SLC44A5: variants seen among roughly 807,000 people sequenced by gnomAD.
The protein encoded by SLC44A5 is solute carrier family 44 member 5.
A neutral mutation model predicts 101.8 loss-of-function variants in SLC44A5; 57 were observed. The observed-to-expected ratio is 0.56, with a 90% CI of 0.45 to 0.70. The LOEUF is 0.70. Ranked by LOEUF, SLC44A5 falls within the 30% of genes least tolerant of loss-of-function variation. The probability of loss-of-function intolerance (pLI) is 0.00; values close to 1 mark genes in which losing one functional copy is unlikely to be tolerated. For missense variants in SLC44A5, 737 were observed against 853.1 expected (o/e 0.86, Z 1.70); for synonymous variants, 281 against 290.9 (o/e 0.97, Z 0.35).
At chr1:75,211,331 T>C (rs1459073804) in intron 23 of SLC44A5, 137 bp downstream of exon 23, 3 of 598,708 alleles carry the variant, frequency 5.0e-6, no homozygotes, top group Non-Finnish European at 8.9e-6. Flanking sequence ...CTAAGCAATA[T>C]CTCTTTCCAG....
chr1:75,714,337 T>C, the SLC44A5 span, among the ~76,000 whole-genome samples: 1 of 152,188 alleles, frequency 6.6e-6, no homozygotes, highest in African/African-American at 2.4e-5. Context: ...CATTCCGTCA[T>C]GTTAAAAACC....
chr1:75,554,469 CAAAA>C lies in SLC44A5; in HGVS notation c.-69-12957_-69-12954del, dbSNP rs35263222. 4.9e-5 allele frequency among the ~76,000 whole-genome samples: 6 copies of C among 123,410 alleles called. No individual in the cohort carries two copies. In the South Asian group the frequency reaches 1.7e-3, roughly 34 times the overall value. 81.0% of individuals were successfully genotyped at this position (123,410 alleles called of 152,430 possible). ...CCTGAGCAACAGAGTGTGACTCTGT[CAAAA>C]AAAAAAAAAAAAAATGTAATTGAAG... On this transcript the variant is annotated intron_variant, in intron 1 of 23. Coordinates refer to ENST00000370859, the MANE Select transcript of SLC44A5 (RefSeq NM_001130058.2).
chr1:75,260,015 GCTC>G (rs1426123994), intron 6 of SLC44A5, among the ~76,000 whole-genome samples: 1 of 152,066 alleles, frequency 6.6e-6, no homozygotes, highest in Non-Finnish European at 1.5e-5. Context: ...CCCTAAAAGA[GCTC>G]CTGAAGGAAG....
chr1:75,373,230 C>T (rs1269379901), intron 3 of SLC44A5, among the ~76,000 whole-genome samples: 4 of 151,900 alleles, frequency 2.6e-5, no homozygotes, highest in African/African-American at 9.7e-5. Context: ...AGAGAAAACA[C>T]CAAAAATCGA....
At chr1:75,410,217 A>T (rs540116594) in intron 2 of SLC44A5, among the ~76,000 whole-genome samples, 1 of 152,206 alleles carries the variant, frequency 6.6e-6, no homozygotes, top group Admixed American at 6.6e-5. Flanking sequence ...ATAACGCACA[A>T]ATTTCTTGCA....
chr1:75,668,732 C>T, the SLC44A5 span, among the ~76,000 whole-genome samples: 5,619 of 151,574 alleles, frequency 0.037, 489 homozygotes, highest in African/African-American at 0.12. Flanking sequence ...CAGTGGCTCA[C>T]GCCTGCAATC....
intron 9 of SLC44A5, among the ~76,000 whole-genome samples, chr1:75,240,631 G>T (rs1029907012): frequency 6.6e-6 from 1 of 152,012 alleles, no homozygotes; most frequent in Admixed American, 6.6e-5. Flanking sequence ...TGTTGCTGTG[G>T]GACCTACATC....
chr1:75,357,144 A>C (rs1419473532), intron 3 of SLC44A5: 1 of 454,256 alleles, frequency 2.2e-6, no homozygotes, highest in Non-Finnish European at 4.4e-6. Flanking sequence ...ATCTTCAGTT[A>C]TCTTACTTGC....
chr1:75,368,009 T>C (rs1024214525), intron 3 of SLC44A5, among the ~76,000 whole-genome samples: 12 of 152,224 alleles, frequency 7.9e-5, no homozygotes. Flanking sequence ...TGATTGTTTT[T>C]GGAAAAGAGC....
the SLC44A5 span, among the ~76,000 whole-genome samples, chr1:75,659,485 G>GAAGGAAGGAAGGAAGGAAGGAAGA: frequency 7.3e-4 from 51 of 69,696 alleles, no homozygotes; most frequent in East Asian, 6.7e-3. Flanking sequence ...AGGAAGGAAG[G>GAAGGAAGGAAGGAAGGAAGGAAGA]AAGGAAGGCA....
intron 2 of SLC44A5, among the ~76,000 whole-genome samples, chr1:75,540,333 G>C (rs969228689): frequency 3.9e-5 from 6 of 152,158 alleles, no homozygotes; most frequent in African/African-American, 1.4e-4. Context: ...AATGCTGTAT[G>C]TATGCATAAG....
At chr1:75,632,625 A>G in the SLC44A5 span, among the ~76,000 whole-genome samples, 1 of 152,128 alleles carries the variant, frequency 6.6e-6, no homozygotes, top group Non-Finnish European at 1.5e-5. Flanking sequence ...TGCTCCTGAA[A>G]TTGTTTTTCA....
At chr1:75,353,104 T>C (rs180969307) in intron 3 of SLC44A5, among the ~76,000 whole-genome samples, 46 of 152,308 alleles carry the variant, frequency 3.0e-4, no homozygotes, top group African/African-American at 1.0e-3. Flanking sequence ...TATGGCCATA[T>C]GTATGTTCTC....
intron 10 of SLC44A5, among the ~76,000 whole-genome samples, chr1:75,237,808 G>T (rs1249471470): frequency 1.3e-5 from 2 of 151,974 alleles, no homozygotes; most frequent in African/African-American, 4.8e-5. Flanking sequence ...TTCTAAATCT[G>T]CAGGAACTAC....
chr1:75,390,281 G>A (rs1264176388), intron 3 of SLC44A5, among the ~76,000 whole-genome samples: 1 of 151,792 alleles, frequency 6.6e-6, no homozygotes, highest in African/African-American at 2.4e-5. Flanking sequence ...AAATCAAGGA[G>A]AGGAGACTCC....
Position 75,573,127 on chromosome 1 carries a change from C to CAAAAAAAAAAA in SLC44A5, c.-69-31622_-69-31612dup, listed in dbSNP as rs745593621. ...TGAGCGACAGAGCAAGGCTCCATCT[C>CAAAAAAAAAAA]AAAAAAAAAAAAAAAAAAAAAAAAA... On this transcript the variant is annotated intron_variant, in intron 1 of 23. Transcript: ENST00000370859. 1.2e-4 allele frequency among the ~76,000 whole-genome samples: 2 copies of CAAAAAAAAAAA among 16,688 alleles called. 1 individual carries two copies. Among genetic ancestry groups the CAAAAAAAAAAA allele is most frequent in the African/African-American group, 4.9e-4 (2 of 4,062 alleles). 10.9% of individuals were successfully genotyped at this position (16,688 alleles called of 152,430 possible). A position where few individuals can be genotyped will look rare whatever the true frequency, so the allele number is the denominator to read the frequency against.
intron 2 of SLC44A5, among the ~76,000 whole-genome samples, chr1:75,460,054 G>A (rs940464044): frequency 2.0e-5 from 3 of 152,082 alleles, no homozygotes; most frequent in Admixed American, 6.6e-5. Context: ...GAGTAAGGGC[G>A]ACTATATTAA....
the SLC44A5 span, among the ~76,000 whole-genome samples, chr1:75,703,169 C>G: frequency 9.1e-4 from 137 of 151,246 alleles, no homozygotes; most frequent in African/African-American, 3.1e-3. Context: ...GGTATATACC[C>G]AAAGGATTAT....
At chr1:75,607,236 G>A (rs1474443729) in intron 1 of SLC44A5, among the ~76,000 whole-genome samples, 1 of 151,820 alleles carries the variant, frequency 6.6e-6, no homozygotes, top group Admixed American at 6.6e-5. Context: ...TAGTTGTTTA[G>A]GTCAAAAACT....
Sources: allele counts gnomAD v4.1 joint callset (sites outside exome capture counted in the v4.1 genomes callset), GRCh38; gene constraint gnomAD v4.1.1; transcripts MANE v1.5; gene names NCBI Gene and HGNC (gene_info 2026-07-23, HGNC 2026-07-21).